DPH5: variants seen among roughly 807,000 people sequenced by gnomAD.
DPH5 encodes the protein diphthine methyl ester synthase.
DPH5 carries 31 observed loss-of-function variants against 31.6 expected under a neutral mutation model. The observed-to-expected ratio is 0.98, with a 90% CI of 0.74 to 1.32. The LOEUF is 1.32. DPH5 is among the 40% of genes most tolerant of loss of function. The pLI is 0.00. For missense variants in DPH5, 309 were observed against 335.7 expected (o/e 0.92, Z 0.62); for synonymous variants, 120 against 115.0 (o/e 1.04, Z -0.28).
Position 100,990,631 on chromosome 1 carries a change from G to C in DPH5, c.635C>G (p.Ala212Gly), listed in dbSNP as rs767212099. ...QNQRIRGEEP[A>G]VTEETLCVGL... ...AACACAAAGTGTCTCCTCGGTAACTGCTATTAAAAAAAAAAGATACTGCTA... is the reference window on the plus strand; with the variant it reads ...AACACAAAGTGTCTCCTCGGTAACTCCTATTAAAAAAAAAAGATACTGCTA... The change falls in exon 8 of 8, where the codon GCA becomes GGA. Residue 212 changes from alanine to glycine, a missense_variant and splice_region_variant. Coordinates refer to ENST00000370109, the MANE Select transcript of DPH5 (RefSeq NM_015958.3). 1 of 1,610,834 alleles carries C rather than the reference G, an allele frequency of 6.2e-7. No individual in the cohort carries two copies. The highest frequency in any genetic ancestry group is 8.5e-7 in the Non-Finnish European group (1 of 1,179,050).
At chr1:100,993,559 A>AATAAATATAT (rs1269819610) in intron 6 of DPH5, among the ~76,000 whole-genome samples, 4 of 56,546 alleles carry the variant, frequency 7.1e-5, no homozygotes, top group African/African-American at 1.9e-4. Flanking sequence ...CGAAAATATA[A>AATAAATATAT]ATATATATAT....
At position 101,001,600 on chromosome 1, in the gene DPH5, AC is replaced by A. The variant is rs774760725; in HGVS notation, c.370-14del. On this transcript the variant is annotated splice_polypyrimidine_tract_variant and intron_variant, in intron 4 of 7. Coordinates refer to ENST00000370109, the MANE Select transcript of DPH5 (RefSeq NM_015958.3). The stretch of plus-strand genomic sequence containing the variant: ...CAAACTTATATAACTAGAAAAAAAA[AC>A]ATTAATTAATGATGGAACAATTAAC... 6.5e-5 allele frequency: 99 copies of A among 1,528,216 alleles called. No individual in the cohort carries two copies. The highest frequency in any genetic ancestry group is 1.7e-4 in the Middle Eastern group (1 of 5,740). The allele number at this position is 1,528,216 out of a possible 1,614,324, so 94.7% of individuals were successfully genotyped here. A position where few individuals can be genotyped will look rare whatever the true frequency, so the allele number is the denominator to read the frequency against.
intron 3 of DPH5, among the ~76,000 whole-genome samples, chr1:101,020,712 C>T (rs1011248086): frequency 1.3e-5 from 2 of 152,038 alleles, no homozygotes; most frequent in African/African-American, 4.8e-5. Flanking sequence ...GTGACACTAC[C>T]AACCACTCAT....
At chr1:101,020,765 T>C (rs556983964) in intron 3 of DPH5, among the ~76,000 whole-genome samples, 1 of 152,242 alleles carries the variant, frequency 6.6e-6, no homozygotes, top group South Asian at 2.1e-4. Context: ...CTCCTTTCCT[T>C]TTCCTTATCC....
chr1:100,989,841 G>A lies in DPH5; in HGVS notation c.*567C>T, dbSNP rs1286731041. The A allele has an allele frequency of 6.5e-6, 1 of 153,548 alleles. No individual in the cohort carries two copies. Among genetic ancestry groups the A allele is most frequent in the Non-Finnish European group, 1.4e-5 (1 of 69,062 alleles). 9.5% of individuals were successfully genotyped at this position (153,548 alleles called of 1,614,324 possible). ...AGCTTTCCAGCCTGGTCTGCTTTAT[G>A]TGTACATCCTGAAAATTTGCCAAAA... On this transcript the variant is annotated 3_prime_UTR_variant, in exon 8 of 8. Coordinates refer to ENST00000370109, the MANE Select transcript of DPH5 (RefSeq NM_015958.3).
At chr1:100,997,532 A>T in intron 5 of DPH5, among the ~76,000 whole-genome samples, 1 of 78,282 alleles carries the variant, frequency 1.3e-5, no homozygotes, top group South Asian at 3.5e-4. Context: ...CGCCCGGCTA[A>T]TTTTTTGTAT....
chr1:101,019,174 G>A (rs1187334538), intron 3 of DPH5, among the ~76,000 whole-genome samples: 4 of 151,744 alleles, frequency 2.6e-5, no homozygotes, highest in Non-Finnish European at 5.9e-5. Context: ...GTTTGAGACT[G>A]TCAACTCTCA....
chr1:101,016,570 C>T (rs1375947010), intron 3 of DPH5, among the ~76,000 whole-genome samples: 1 of 151,224 alleles, frequency 6.6e-6, no homozygotes, highest in African/African-American at 2.4e-5. Flanking sequence ...CTCAGCCTCT[C>T]GGGTAGCTGG....
chr1:101,008,149 C>G (rs1347038287), intron 4 of DPH5, among the ~76,000 whole-genome samples: 6 of 152,020 alleles, frequency 3.9e-5, no homozygotes, highest in Non-Finnish European at 8.8e-5. Flanking sequence ...TATATTAGAC[C>G]TTATCTAGTT....
intron 4 of DPH5, among the ~76,000 whole-genome samples, chr1:101,004,432 T>C (rs1054109273): frequency 1.2e-4 from 18 of 152,190 alleles, no homozygotes; most frequent in African/African-American, 3.9e-4. Context: ...CAAAACATTA[T>C]TGCTGCAAAT....
intron 4 of DPH5, among the ~76,000 whole-genome samples, chr1:101,011,153 C>T (rs959232651): frequency 6.6e-5 from 10 of 152,208 alleles, no homozygotes; most frequent in Non-Finnish European, 1.3e-4. Flanking sequence ...TGTCAAAGTA[C>T]TTGCATTATG....
chr1:100,995,455 T>C (rs962830244), intron 5 of DPH5: 2 of 220,850 alleles, frequency 9.1e-6, no homozygotes, highest in African/African-American at 4.5e-5. Context: ...ATCACAATCT[T>C]TGTTTTCATT....
At position 101,019,118 on chromosome 1, in the gene DPH5, A is replaced by T. The variant is rs113378590; in HGVS notation, c.260+2523T>A. On this transcript the variant is annotated intron_variant, in intron 3 of 7. Transcript: ENST00000370109. The stretch of plus-strand genomic sequence containing the variant: ...ATAAAACAGAACCATCATTAGAAAC[A>T]GTGTGTTTAATAAAGACTTCTTATG... Among the ~76,000 whole-genome samples, 971 of 152,300 alleles carry T rather than the reference A, an allele frequency of 6.4e-3. 16 individuals are homozygous for T. Among genetic ancestry groups the T allele is most frequent in the African/African-American group, 0.02 (842 of 41,568 alleles).
intron 3 of DPH5, among the ~76,000 whole-genome samples, chr1:101,014,025 G>GT (rs755481414): frequency 2.6e-5 from 4 of 152,150 alleles, no homozygotes; most frequent in African/African-American, 4.8e-5. Context: ...AGTTGCTACT[G>GT]TAACACTCCT....
chr1:101,000,419 A>G (rs1658768079), intron 5 of DPH5, among the ~76,000 whole-genome samples: 1 of 152,240 alleles, frequency 6.6e-6, no homozygotes, highest in African/African-American at 2.4e-5. Context: ...GTAACTTGAC[A>G]CTGACATAAA....
At chr1:101,025,537 T>C (rs1456078759) in intron 1 of DPH5, 71 bp from the exon 2 acceptor site, 4 of 1,487,654 alleles carry the variant, frequency 2.7e-6, no homozygotes, top group African/African-American at 2.8e-5. Flanking sequence ...ATGAACACGA[T>C]GACAACCAAA....
intron 4 of DPH5, among the ~76,000 whole-genome samples, chr1:101,005,722 T>C (rs1317785499): frequency 6.6e-6 from 1 of 152,214 alleles, no homozygotes; most frequent in African/African-American, 2.4e-5. Flanking sequence ...AGCAAGTACT[T>C]GTGACATATT....
At chr1:101,025,185 G>T in intron 2 of DPH5, 124 bp downstream of exon 2, 2 of 1,211,794 alleles carry the variant, frequency 1.7e-6, no homozygotes, top group Non-Finnish European at 2.2e-6. Context: ...GATCATTAAT[G>T]AACAAGGGAT....
At chr1:100,994,053 A>C (rs557675578) in intron 6 of DPH5, among the ~76,000 whole-genome samples, 58 of 152,152 alleles carry the variant, frequency 3.8e-4, no homozygotes, top group Non-Finnish European at 7.5e-4. Flanking sequence ...AAAAAGGCAA[A>C]AATTTTAATA....
Sources: gnomAD v4.1 joint callset for allele counts (sites outside exome capture counted in the v4.1 genomes callset) on GRCh38, gnomAD v4.1.1 for gene constraint, MANE v1.5 for transcripts, NCBI Gene and HGNC (gene_info 2026-07-23, HGNC 2026-07-21) for gene names.